TENM2: variants seen among roughly 807,000 people sequenced by gnomAD.
TENM2 encodes the protein teneurin transmembrane protein 2.
In TENM2, 52 loss-of-function variants were observed where a neutral mutation model predicts 245.2. The observed-to-expected ratio is 0.21, with a 90% CI of 0.17 to 0.27. The LOEUF (loss-of-function observed/expected upper bound fraction) is 0.27, where lower values mean the gene tolerates loss of function less well. Ranked by LOEUF, TENM2 falls within the 10% of genes least tolerant of loss-of-function variation. The pLI, the probability that TENM2 is intolerant of heterozygous loss-of-function variation, is 1.00. For synonymous variants in TENM2, 1,363 were observed against 1,438.9 expected, an observed-to-expected ratio of 0.95 and a Z score of 1.19; for missense variants, 3,046 against 3,666.8, an observed-to-expected ratio of 0.83 and a Z score of 4.37.
At chr5:167,846,954 G>GATTA (rs1425969510) in intron 2 of TENM2, among the ~76,000 whole-genome samples, 4 of 151,862 alleles carry the variant, frequency 2.6e-5, no homozygotes, top group Non-Finnish European at 4.4e-5. Flanking sequence ...CATTTCAATT[G>GATTA]ATTGATTGAT....
At chr5:168,220,211 A>G (rs1343842582) in intron 23 of TENM2, among the ~76,000 whole-genome samples, 1 of 151,936 alleles carries the variant, frequency 6.6e-6, no homozygotes, top group Non-Finnish European at 1.5e-5. Flanking sequence ...TCACCCAAAC[A>G]CCTCCGAGAT....
intron 1 of TENM2, among the ~76,000 whole-genome samples, chr5:167,319,855 G>A (rs1250279415): frequency 2.6e-5 from 4 of 152,282 alleles, no homozygotes; most frequent in Non-Finnish European, 5.9e-5. Context: ...TAGTATGTAT[G>A]ATATAACCAG....
intron 2 of TENM2, among the ~76,000 whole-genome samples, chr5:167,518,220 A>G (rs1770524355): frequency 6.6e-6 from 1 of 152,072 alleles, no homozygotes; most frequent in South Asian, 2.1e-4. Context: ...CCCTTGTTCA[A>G]ATCCCTGTAC....
the TENM2 span, among the ~76,000 whole-genome samples, chr5:167,263,189 T>C: frequency 6.6e-6 from 1 of 152,330 alleles, no homozygotes; most frequent in Non-Finnish European, 1.5e-5. Flanking sequence ...AATGTAGACT[T>C]GCTAGCGTGT....
intron 6 of TENM2, among the ~76,000 whole-genome samples, chr5:168,050,366 A>G (rs111886947): frequency 2.0e-5 from 3 of 152,156 alleles, no homozygotes; most frequent in African/African-American, 7.2e-5. Context: ...CGCGCTCCCC[A>G]TTCCCCAATT....
intron 11 of TENM2, among the ~76,000 whole-genome samples, chr5:168,125,894 C>T (rs190594573): frequency 4.7e-4 from 72 of 152,300 alleles, no homozygotes; most frequent in African/African-American, 1.7e-3. Flanking sequence ...GATCCAAAAC[C>T]CAGTTATGCT....
At chr5:167,614,274 T>C (rs540543930) in intron 2 of TENM2, among the ~76,000 whole-genome samples, 1 of 152,266 alleles carries the variant, frequency 6.6e-6, no homozygotes, top group Non-Finnish European at 1.5e-5. Flanking sequence ...GAATAAACAA[T>C]ATCTGTCTGC....
chr5:167,450,435 G>A (rs1202419856), intron 2 of TENM2, among the ~76,000 whole-genome samples: 1 of 152,034 alleles, frequency 6.6e-6, no homozygotes, highest in Non-Finnish European at 1.5e-5. Flanking sequence ...AGCCCCATAA[G>A]AACAACGACT....
intron 4 of TENM2, among the ~76,000 whole-genome samples, chr5:167,968,725 G>A (rs1354817160): frequency 6.6e-6 from 1 of 152,020 alleles, no homozygotes; most frequent in African/African-American, 2.4e-5. Flanking sequence ...TCTTATCAAC[G>A]CAGATCCTCT....
At chr5:167,297,340 T>C (rs903452442) in intron 1 of TENM2, 2 of 152,216 alleles carry the variant, frequency 1.3e-5, no homozygotes, top group African/African-American at 2.4e-5. Context: ...TGCAAGCCCT[T>C]GGTGCCATAG....
chr5:167,473,703 T>G (rs1767182861), intron 2 of TENM2, among the ~76,000 whole-genome samples: 1 of 152,166 alleles, frequency 6.6e-6, no homozygotes, highest in Non-Finnish European at 1.5e-5. Flanking sequence ...GGACACTGAA[T>G]CCAGAACAGG....
At chr5:167,925,080 A>C (rs150082260) in intron 3 of TENM2, among the ~76,000 whole-genome samples, 58 of 152,330 alleles carry the variant, frequency 3.8e-4, no homozygotes, top group African/African-American at 1.2e-3. Context: ...GTGAATGTTC[A>C]TGGCAGGTTT....
chr5:167,957,254 A>G (rs1000803860), intron 4 of TENM2, among the ~76,000 whole-genome samples: 2 of 152,026 alleles, frequency 1.3e-5, no homozygotes, highest in Non-Finnish European at 2.9e-5. Flanking sequence ...TTTCTGGTTT[A>G]TTTGCATAGA....
chr5:167,789,283 TA>T (rs548245390), intron 2 of TENM2, among the ~76,000 whole-genome samples: 1 of 152,218 alleles, frequency 6.6e-6, no homozygotes, highest in Non-Finnish European at 1.5e-5. Flanking sequence ...GTAACCCTAA[TA>T]GCCCCTGACC....
intron 2 of TENM2, among the ~76,000 whole-genome samples, chr5:167,813,841 AATC>A (rs1766829447): frequency 6.6e-6 from 1 of 152,164 alleles, no homozygotes; most frequent in African/African-American, 2.4e-5. Context: ...CCTGTGCTAT[AATC>A]ATCTTTCCAC....
chr5:167,067,249 T>C, the TENM2 span, among the ~76,000 whole-genome samples: 5 of 152,300 alleles, frequency 3.3e-5, no homozygotes, highest in Non-Finnish European at 7.4e-5. Flanking sequence ...TCAGAATTGC[T>C]TAATGAATTG....
chr5:167,143,177 T>C, the TENM2 span, among the ~76,000 whole-genome samples: 1 of 152,314 alleles, frequency 6.6e-6, no homozygotes, highest in East Asian at 1.9e-4. Context: ...TTTACAGGCA[T>C]GGAAATGAAC....
chr5:167,647,872 C>T lies in TENM2; in HGVS notation c.503-228114C>T, dbSNP rs778710180. Among the ~76,000 whole-genome samples the T allele has an allele frequency of 7.2e-5, 11 of 152,254 alleles. No individual in the cohort carries two copies. In the South Asian group the frequency reaches 1.0e-3, roughly 14 times the overall value. Reference sequence around the variant, plus strand: ...GAAACTTTGGCCTTGTCTTGACTTTCCCTCTCACTTATCTCCTACGTTCAA... The same window carrying T: ...GAAACTTTGGCCTTGTCTTGACTTTTCCTCTCACTTATCTCCTACGTTCAA... On this transcript the variant is annotated intron_variant, in intron 2 of 28. Transcript: ENST00000518659.
chr5:167,383,231 A>C (rs1461694929), intron 2 of TENM2, among the ~76,000 whole-genome samples: 16 of 152,172 alleles, frequency 1.1e-4, no homozygotes, highest in Admixed American at 1.0e-3. Context: ...CCATATACGA[A>C]AATGCCAAAA....
Sources: gnomAD v4.1 joint callset for allele counts (sites outside exome capture counted in the v4.1 genomes callset) on GRCh38, gnomAD v4.1.1 for gene constraint, MANE v1.5 for transcripts, NCBI Gene and HGNC (gene_info 2026-07-23, HGNC 2026-07-21) for gene names.